The following LRRC74A variants were observed in gnomAD, a reference collection of about 807,000 sequenced individuals.
The protein encoded by LRRC74A is leucine rich repeat containing 74A, also known as leucine-rich repeat-containing protein 74A.
A neutral mutation model predicts 57.9 loss-of-function variants in LRRC74A; 44 were observed. The ratio of observed to expected loss-of-function variants is 0.76; its 90% confidence interval spans 0.60 to 0.98. The LOEUF is 0.98. Ranked by LOEUF, LRRC74A falls within the 50% of genes least tolerant of loss-of-function variation. The pLI is 0.00. For synonymous variants in LRRC74A, 211 were observed against 219.4 expected, an observed-to-expected ratio of 0.96 and a Z score of 0.34; for missense variants, 572 against 574.0, an observed-to-expected ratio of 1.00 and a Z score of 0.04.
intron 4 of LRRC74A, 82 bp downstream of exon 4, chr14:76,836,396 G>T: frequency 1.9e-6 from 2 of 1,048,574 alleles, no homozygotes; most frequent in Non-Finnish European, 2.8e-6. Flanking sequence ...GGCCCTGCCA[G>T]GACCCAGGCT....
intron 2 of LRRC74A, chr14:76,829,113 G>C (rs947920438): frequency 7.8e-7 from 1 of 1,289,266 alleles, no homozygotes; most frequent in Non-Finnish European, 1.0e-6. Context: ...GGGAAGCACC[G>C]AAAGAGAACA....
Position 76,860,772 on chromosome 14 carries a change from A to C in LRRC74A, c.1133A>C (p.Lys378Thr). 1 of 1,610,748 alleles carries C rather than the reference A, an allele frequency of 6.2e-7. No individual in the cohort carries two copies. Among genetic ancestry groups the C allele is most frequent in the South Asian group, 1.1e-5 (1 of 90,812 alleles). ...CACCCGCAGCTGGACGTGGTATTCAAGGCAGTACAAGGCCTCTCTCCCAAG... is the reference window on the plus strand; with the variant it reads ...CACCCGCAGCTGGACGTGGTATTCACGGCAGTACAAGGCCTCTCTCCCAAG... ...AVHPQLDVVF[K>T]AVQGLSPKKT... Residue 378 changes from lysine to threonine, a missense_variant, in exon 11 of 14, where the codon AAG becomes ACG. Physicochemically the swap from Lys to Thr is moderately conservative, Grantham distance 78. Coordinates refer to ENST00000689127, the MANE Select transcript of LRRC74A (RefSeq NM_001385106.1).
At chr14:76,869,316 G>A (rs1282733483) in intron 13 of LRRC74A, among the ~76,000 whole-genome samples, 1 of 152,164 alleles carries the variant, frequency 6.6e-6, no homozygotes, top group African/African-American at 2.4e-5. Context: ...GCCTGAGCAG[G>A]AGCCCTTGGG....
At chr14:76,850,555 G>T (rs1232690851) in intron 7 of LRRC74A, among the ~76,000 whole-genome samples, 3 of 152,168 alleles carry the variant, frequency 2.0e-5, no homozygotes, top group Non-Finnish European at 4.4e-5. Context: ...TGATCAGAAC[G>T]TAGTGCACTG....
chr14:76,857,422 A>T lies in LRRC74A; in HGVS notation c.1000A>T (p.Ile334Phe), dbSNP rs1176931948. The change falls in exon 10 of 14, where the codon ATC becomes TTC. Residue 334 changes from isoleucine to phenylalanine, a missense_variant. Coordinates refer to ENST00000689127, the MANE Select transcript of LRRC74A (RefSeq NM_001385106.1). ...AAATATGGATGGGGCTATTTTACTT[A>T]TCCTGGCTATCAAGAGGAACCCCAA... The part of the protein sequence containing the change: ...PINMDGAILL[I>F]LAIKRNPKSR... 3 of 1,587,184 alleles carry T rather than the reference A, an allele frequency of 1.9e-6. No individual in the cohort carries two copies. In the South Asian group the frequency reaches 3.4e-5, roughly 18 times the overall value.
intron 5 of LRRC74A, among the ~76,000 whole-genome samples, chr14:76,838,606 C>T (rs1006921866): frequency 3.3e-5 from 5 of 152,094 alleles, no homozygotes; most frequent in African/African-American, 1.2e-4. Context: ...CTAACATGTT[C>T]CCTGAATTGA....
intron 11 of LRRC74A, 148 bp downstream of exon 11, chr14:76,860,987 C>A: frequency 1.5e-6 from 1 of 667,202 alleles, no homozygotes; most frequent in Non-Finnish European, 2.3e-6. Context: ...GGACAGCAGA[C>A]ATGGAATGAA....
intron 2 of LRRC74A, chr14:76,828,967 T>G: frequency 7.8e-7 from 1 of 1,276,810 alleles, no homozygotes; most frequent in Non-Finnish European, 1.0e-6. Context: ...CACACTCACC[T>G]TAGAGCTCTG....
chr14:76,827,856 T>TG lies in LRRC74A; in HGVS notation c.38-434dup, dbSNP rs1227201154. On this transcript the variant is annotated intron_variant, in intron 1 of 13. Transcript: ENST00000689127. ...ATTTGACCTAAGTTGTCACCTCCCCTGCCCTGCCCTGCCCCTTATACTCCC... is the reference window on the plus strand; with the variant it reads ...ATTTGACCTAAGTTGTCACCTCCCCTGGCCCTGCCCTGCCCCTTATACTCCC... 2.0e-5 allele frequency among the ~76,000 whole-genome samples: 3 copies of TG among 152,154 alleles called. No homozygotes were observed. The East Asian group carries it at 5.8e-4, about 29-fold the overall frequency.
At chr14:76,830,757 C>G (rs538946652) in intron 2 of LRRC74A, among the ~76,000 whole-genome samples, 60 of 152,228 alleles carry the variant, frequency 3.9e-4, no homozygotes, top group Non-Finnish European at 6.3e-4. Context: ...GACTCACAAC[C>G]TTGTGATAGT....
At chr14:76,828,569 T>G in intron 2 of LRRC74A, 150 bp downstream of exon 2, 1 of 1,221,894 alleles carries the variant, frequency 8.2e-7, no homozygotes, top group South Asian at 1.3e-5. Context: ...TGCTCGATTT[T>G]GCCTGGAGTC....
At chr14:76,857,304 G>A in intron 9 of LRRC74A, 76 bp from the exon 10 acceptor site, 1 of 836,822 alleles carries the variant, frequency 1.2e-6, no homozygotes, top group Non-Finnish European at 2.0e-6. Context: ...GTGATTTGAT[G>A]AGATGTAGAA....
At chr14:76,852,269 G>A in intron 7 of LRRC74A, 96 bp from the exon 8 acceptor site, 2 of 831,312 alleles carry the variant, frequency 2.4e-6, no homozygotes, top group Non-Finnish European at 1.9e-6. Flanking sequence ...TGACCACTGA[G>A]TGGTCTTTAT....
At chr14:76,864,746 C>T (rs557887674) in intron 11 of LRRC74A, among the ~76,000 whole-genome samples, 11 of 152,052 alleles carry the variant, frequency 7.2e-5, no homozygotes, top group African/African-American at 2.2e-4. Flanking sequence ...CCCAGCTACC[C>T]GGGAGGCTGA....
chr14:76,838,512 TATAAAAG>T (rs1184879498), intron 5 of LRRC74A, among the ~76,000 whole-genome samples: 12 of 152,124 alleles, frequency 7.9e-5, no homozygotes, highest in African/African-American at 2.7e-4. Context: ...ACATAGAGAA[TATAAAAG>T]ATAAAAGAAT....
chr14:76,847,613 A>C (rs1349437650), intron 7 of LRRC74A, among the ~76,000 whole-genome samples: 2 of 152,078 alleles, frequency 1.3e-5, no homozygotes, highest in African/African-American at 4.8e-5. Context: ...GTGATGAAAT[A>C]ATCTGTACAA....
At chr14:76,844,529 C>T in intron 6 of LRRC74A, 57 bp downstream of exon 6, 5 of 1,544,212 alleles carry the variant, frequency 3.2e-6, no homozygotes, top group Non-Finnish European at 4.4e-6. Flanking sequence ...GAGATCTGGG[C>T]AACCTGGGGC....
chr14:76,842,656 A>AATGC lies in LRRC74A; in HGVS notation c.545-1764_545-1761dup, dbSNP rs1268580500. On this transcript the variant is annotated intron_variant, in intron 5 of 13. Coordinates refer to ENST00000689127, the MANE Select transcript of LRRC74A (RefSeq NM_001385106.1). The stretch of plus-strand genomic sequence containing the variant: ...CCAAACAAGTATTTGTGTTCCAGTG[A>AATGC]ATGCATTCATTCATTCATTCATTCA... 3.0e-5 allele frequency among the ~76,000 whole-genome samples: 4 copies of AATGC among 132,132 alleles called. No individual in the cohort carries two copies. The East Asian group carries it at 9.4e-4, about 31-fold the overall frequency. 86.7% of individuals were successfully genotyped at this position (132,132 alleles called of 152,430 possible).
intron 5 of LRRC74A, among the ~76,000 whole-genome samples, chr14:76,839,799 C>T (rs908589951): frequency 4.6e-5 from 7 of 152,040 alleles, no homozygotes; most frequent in Admixed American, 1.3e-4. Context: ...TTCTCGACCT[C>T]GACTCACTGC....
Sources: gnomAD v4.1 joint callset for allele counts (sites outside exome capture counted in the v4.1 genomes callset) on GRCh38, gnomAD v4.1.1 for gene constraint, MANE v1.5 for transcripts, NCBI Gene and HGNC (gene_info 2026-07-23, HGNC 2026-07-21) for gene names.